Variants in EAF2 observed in about 807,000 individuals in gnomAD.
EAF2 encodes the protein ELL associated factor 2.
A neutral mutation model predicts 29.4 loss-of-function variants in EAF2; 29 were observed. The ratio of observed to expected loss-of-function variants is 0.99; its 90% CI spans 0.73 to 1.35. The LOEUF (loss-of-function observed/expected upper bound fraction) is 1.35. EAF2 is among the 40% of genes most tolerant of loss of function. The probability of loss-of-function intolerance (pLI) is 0.00; values close to 1 mark genes in which losing one functional copy is unlikely to be tolerated. For synonymous variants in EAF2, 103 were observed against 102.5 expected, an observed-to-expected ratio of 1.00 and a Z score of -0.03; for missense variants, 292 against 312.0, an observed-to-expected ratio of 0.94 and a Z score of 0.48.
chr3:121,871,737 A>T (rs1709018156), intron 4 of EAF2, among the ~76,000 whole-genome samples: 1 of 151,992 alleles, frequency 6.6e-6, no homozygotes, highest in African/African-American at 2.4e-5. Flanking sequence ...TTCACTTAGC[A>T]TTTTTTGGTT....
chr3:121,866,030 A>C (rs952425858), intron 4 of EAF2, among the ~76,000 whole-genome samples: 2 of 152,102 alleles, frequency 1.3e-5, no homozygotes, highest in Non-Finnish European at 2.9e-5. Context: ...CACAACAAAC[A>C]CTTTGCTATG....
At chr3:121,880,332 T>A (rs1709172327) in intron 5 of EAF2, among the ~76,000 whole-genome samples, 1 of 150,630 alleles carries the variant, frequency 6.6e-6, no homozygotes. Flanking sequence ...TAATAGAGAC[T>A]GGGTCTCACT....
intron 4 of EAF2, among the ~76,000 whole-genome samples, chr3:121,867,161 A>G (rs1300104291): frequency 6.6e-6 from 1 of 152,226 alleles, no homozygotes; most frequent in Non-Finnish European, 1.5e-5. Context: ...CTGTGGAAGA[A>G]TGATAAAATA....
intron 1 of EAF2, chr3:121,836,518 TA>T: frequency 2.1e-6 from 1 of 468,210 alleles, no homozygotes; most frequent in Non-Finnish European, 2.8e-6. Context: ...ATATATTTAC[TA>T]AAAGGGTTTT....
intron 1 of EAF2, chr3:121,836,905 G>C (rs1427316476): frequency 2.2e-5 from 12 of 543,146 alleles, no homozygotes; most frequent in African/African-American, 8.2e-5. Context: ...CTTATGTAGG[G>C]CACAAATCCC....
chr3:121,861,129 A>T (rs1211835650), intron 4 of EAF2, among the ~76,000 whole-genome samples: 6 of 152,176 alleles, frequency 3.9e-5, no homozygotes, highest in African/African-American at 1.4e-4. Flanking sequence ...TGTGGTTCTG[A>T]GAAGGATGTA....
intron 2 of EAF2, among the ~76,000 whole-genome samples, chr3:121,849,654 C>A (rs978284487): frequency 5.3e-5 from 8 of 152,006 alleles, no homozygotes; most frequent in African/African-American, 1.9e-4. Context: ...TTATGAGGCT[C>A]CTATATGTAT....
At chr3:121,849,686 T>C (rs1708592071) in intron 2 of EAF2, among the ~76,000 whole-genome samples, 1 of 152,112 alleles carries the variant, frequency 6.6e-6, no homozygotes, top group Non-Finnish European at 1.5e-5. Flanking sequence ...CAGATGACCC[T>C]CTTGGGCAAA....
rs1453386534 is a variant in EAF2 at position 121,886,425 on chromosome 3, T to C, written c.*37T>C. Reference sequence around the variant, plus strand: ...GCTATAAATAAAAATTTATACAGCATGTATAATTTATTTTGTATTAACAAT... The same window carrying C: ...GCTATAAATAAAAATTTATACAGCACGTATAATTTATTTTGTATTAACAAT... On this transcript the variant is annotated 3_prime_UTR_variant, in exon 6 of 6. Coordinates refer to ENST00000273668, the MANE Select transcript of EAF2 (RefSeq NM_018456.6). 7 of 1,245,128 alleles carry C rather than the reference T, an allele frequency of 5.6e-6. No homozygotes were observed. The highest frequency in any genetic ancestry group is 7.5e-6 in the Non-Finnish European group (7 of 928,126). 77.1% of individuals were successfully genotyped at this position (1,245,128 alleles called of 1,614,324 possible).
chr3:121,867,968 G>A (rs1413035496), intron 4 of EAF2, among the ~76,000 whole-genome samples: 1 of 151,866 alleles, frequency 6.6e-6, no homozygotes, highest in East Asian at 1.9e-4. Flanking sequence ...TAATTGAGAT[G>A]GCATTCTAAA....
At chr3:121,866,495 G>T (rs1415765627) in intron 4 of EAF2, among the ~76,000 whole-genome samples, 3 of 152,150 alleles carry the variant, frequency 2.0e-5, no homozygotes, top group East Asian at 3.8e-4. Flanking sequence ...GGAGGCCAAG[G>T]CAAGCAGATC....
chr3:121,836,898 A>G (rs1476594099), intron 1 of EAF2: 1 of 623,214 alleles, frequency 1.6e-6, no homozygotes, highest in Non-Finnish European at 2.0e-6. Context: ...ATATTCTCTT[A>G]TGTAGGGCAC....
At chr3:121,835,988 A>G (rs1708269356) in intron 1 of EAF2, among the ~76,000 whole-genome samples, 1 of 151,986 alleles carries the variant, frequency 6.6e-6, no homozygotes, top group African/African-American at 2.4e-5. Context: ...GAAGATGCTT[A>G]CCTCCCTATG....
intron 1 of EAF2, 88 bp downstream of exon 1, chr3:121,835,479 T>TGTAAGGTGTACTGTGGGA: frequency 8.5e-7 from 1 of 1,183,212 alleles, no homozygotes; most frequent in Non-Finnish European, 1.2e-6. Context: ...GTTCCCACAG[T>TGTAAGGTGTACTGTGGGA]ACCCCTTACA....
At chr3:121,850,104 G>A (rs982898929) in intron 2 of EAF2, among the ~76,000 whole-genome samples, 2 of 151,208 alleles carry the variant, frequency 1.3e-5, no homozygotes, top group Admixed American at 6.6e-5. Flanking sequence ...CATTTTGTAT[G>A]AAGTATATCT....
intron 4 of EAF2, among the ~76,000 whole-genome samples, chr3:121,871,562 G>A (rs1709013832): frequency 6.6e-6 from 1 of 151,968 alleles, no homozygotes; most frequent in Non-Finnish European, 1.5e-5. Flanking sequence ...GAAACAGCTA[G>A]TACGAAGAAC....
At chr3:121,885,098 GT>G (rs1452429552) in intron 5 of EAF2, among the ~76,000 whole-genome samples, 3 of 152,132 alleles carry the variant, frequency 2.0e-5, no homozygotes, top group Non-Finnish European at 4.4e-5. Context: ...AATTGAACTT[GT>G]GATTTTTCTT....
rs147808904 is a variant in EAF2 at position 121,860,389 on chromosome 3, T to C, written c.484+3233T>C. Among the ~76,000 whole-genome samples the C allele has an allele frequency of 7.1e-3, 1,087 of 152,304 alleles. 16 individuals are homozygous for C. Among genetic ancestry groups the C allele is most frequent in the African/African-American group, 0.025 (1,025 of 41,564 alleles). ...TCAGGGATTCAATTTCTTCCTTGTT[T>C]ATTCTTGGGAGGGTGTATGTGTCCA... is the stretch of plus-strand genomic sequence containing the variant. On this transcript the variant is annotated intron_variant, in intron 4 of 5. Coordinates refer to ENST00000273668, the MANE Select transcript of EAF2 (RefSeq NM_018456.6).
At chr3:121,851,842 A>G (rs1708638857) in intron 2 of EAF2, among the ~76,000 whole-genome samples, 1 of 152,190 alleles carries the variant, frequency 6.6e-6, no homozygotes, top group South Asian at 2.1e-4. Flanking sequence ...GATAGGTGGT[A>G]TTCAATAGTT....
Sources: gnomAD v4.1 joint callset for allele counts (sites outside exome capture counted in the v4.1 genomes callset) on GRCh38, gnomAD v4.1.1 for gene constraint, MANE v1.5 for transcripts, NCBI Gene and HGNC (gene_info 2026-07-23, HGNC 2026-07-21) for gene names.